Variants in MIPEP observed in about 807,000 individuals in gnomAD.
The protein encoded by MIPEP is mitochondrial intermediate peptidase.
A neutral mutation model predicts 90.3 loss-of-function variants in MIPEP; 79 were observed. That is an observed-to-expected ratio of 0.87 (90% CI 0.73 to 1.05). MIPEP has a LOEUF of 1.05. Ranked by LOEUF, MIPEP falls within the 50% of genes least tolerant of loss-of-function variation. The pLI is 0.00. For missense variants in MIPEP, 940 were observed against 905.6 expected (o/e 1.04, Z -0.49); for synonymous variants, 334 against 315.8 (o/e 1.06, Z -0.61).
intron 16 of MIPEP, among the ~76,000 whole-genome samples, chr13:23,787,216 A>T (rs1008699322): frequency 6.6e-6 from 1 of 152,226 alleles, no homozygotes; most frequent in African/African-American, 2.4e-5. Context: ...AAAATACCAT[A>T]GACTGGGTGG....
chr13:23,752,614 A>T (rs1952453205), intron 18 of MIPEP, among the ~76,000 whole-genome samples: 1 of 152,184 alleles, frequency 6.6e-6, no homozygotes. Context: ...ATTACTCAGA[A>T]ATGTGATTTA....
chr13:23,739,612 G>A (rs1952304007), intron 18 of MIPEP, among the ~76,000 whole-genome samples: 1 of 152,280 alleles, frequency 6.6e-6, no homozygotes, highest in African/African-American at 2.4e-5. Context: ...CTGCCAAAGT[G>A]GGCGATTTTA....
chr13:23,868,958 C>A (rs1870660419), intron 7 of MIPEP, among the ~76,000 whole-genome samples: 1 of 152,146 alleles, frequency 6.6e-6, no homozygotes, highest in Admixed American at 6.5e-5. Flanking sequence ...ACATACTGAT[C>A]TTTCATTCTC....
chr13:23,854,495 CT>C (rs1470330888), intron 10 of MIPEP, among the ~76,000 whole-genome samples: 1 of 152,134 alleles, frequency 6.6e-6, no homozygotes, highest in African/African-American at 2.4e-5. Flanking sequence ...CACAAAACAT[CT>C]GTATTTCATT....
intron 2 of MIPEP, among the ~76,000 whole-genome samples, chr13:23,885,763 G>C (rs1179881916): frequency 6.6e-6 from 1 of 150,574 alleles, no homozygotes; most frequent in East Asian, 2.0e-4. Flanking sequence ...TTCCTGAAAA[G>C]GTTTATTAAA....
At chr13:23,732,724 A>G (rs1246819126) in intron 18 of MIPEP, among the ~76,000 whole-genome samples, 1 of 152,216 alleles carries the variant, frequency 6.6e-6, no homozygotes, top group Non-Finnish European at 1.5e-5. Context: ...AAACCAATCT[A>G]TGGTGAAAAA....
intron 14 of MIPEP, among the ~76,000 whole-genome samples, chr13:23,830,283 G>A (rs1412725769): frequency 2.0e-5 from 3 of 152,098 alleles, no homozygotes; most frequent in Non-Finnish European, 2.9e-5. Context: ...TTAATCTTAG[G>A]CATAAAATAT....
chr13:23,740,767 G>A (rs1218163424), intron 18 of MIPEP, among the ~76,000 whole-genome samples: 1 of 152,230 alleles, frequency 6.6e-6, no homozygotes, highest in Non-Finnish European at 1.5e-5. Flanking sequence ...AGAAAACAGT[G>A]TCTCACTGCC....
At chr13:23,735,158 T>A (rs939228141) in intron 18 of MIPEP, among the ~76,000 whole-genome samples, 2 of 152,154 alleles carry the variant, frequency 1.3e-5, no homozygotes, top group African/African-American at 4.8e-5. Flanking sequence ...ATGACATGCC[T>A]AGTCAAACCA....
intron 10 of MIPEP, among the ~76,000 whole-genome samples, chr13:23,850,884 T>C (rs1869770665): frequency 6.6e-6 from 1 of 152,180 alleles, no homozygotes; most frequent in African/African-American, 2.4e-5. Flanking sequence ...ATGGGAGTTG[T>C]GGAAATGTCG....
At chr13:23,868,372 G>A (rs898316933) in intron 7 of MIPEP, among the ~76,000 whole-genome samples, 2 of 152,132 alleles carry the variant, frequency 1.3e-5, no homozygotes, top group East Asian at 1.9e-4. Context: ...AGTTGTTTAC[G>A]AAAGAGTAAG....
chr13:23,882,072 T>C (rs1316404266), intron 2 of MIPEP, among the ~76,000 whole-genome samples: 9 of 106,236 alleles, frequency 8.5e-5, no homozygotes, highest in Non-Finnish European at 1.9e-4. Context: ...TCTTTCTTTC[T>C]TTTTTTTTTT....
intron 10 of MIPEP, among the ~76,000 whole-genome samples, chr13:23,847,550 G>T (rs1175771796): frequency 6.6e-6 from 1 of 151,942 alleles, no homozygotes; most frequent in African/African-American, 2.4e-5. Flanking sequence ...CATGCTGGCA[G>T]GTGGCTGATA....
intron 9 of MIPEP, among the ~76,000 whole-genome samples, chr13:23,861,467 C>T (rs1232346207): frequency 2.6e-5 from 4 of 152,134 alleles, no homozygotes; most frequent in African/African-American, 9.7e-5. Context: ...CATAAATTAA[C>T]AGACTGACAT....
At chr13:23,847,179 T>C (rs1345315305) in intron 10 of MIPEP, among the ~76,000 whole-genome samples, 1 of 152,164 alleles carries the variant, frequency 6.6e-6, no homozygotes, top group African/African-American at 2.4e-5. Flanking sequence ...GGAAGCACAG[T>C]AATTGTATCA....
At chr13:23,784,617 CA>C in intron 16 of MIPEP, among the ~76,000 whole-genome samples, 1 of 152,144 alleles carries the variant, frequency 6.6e-6, no homozygotes. Flanking sequence ...GCAATGGCAA[CA>C]AAAGCCAAAA....
At chr13:23,886,625 A>T (rs1871494314) in intron 1 of MIPEP, 119 bp from the exon 2 acceptor site, 2 of 705,748 alleles carry the variant, frequency 2.8e-6, no homozygotes, top group Non-Finnish European at 4.3e-6. Context: ...GTATCATGTT[A>T]TACCTGTGAT....
intron 15 of MIPEP, 92 bp downstream of exon 15, chr13:23,809,758 T>A (rs1001786745): frequency 6.2e-6 from 5 of 808,400 alleles, no homozygotes; most frequent in East Asian, 5.2e-5. Context: ...ATAATTATTA[T>A]AATAAATAGG....
chr13:23,770,388 C>T (rs900049258), intron 16 of MIPEP, among the ~76,000 whole-genome samples: 1 of 152,102 alleles, frequency 6.6e-6, no homozygotes, highest in South Asian at 2.1e-4. Flanking sequence ...TTTTAAATTA[C>T]GCTTCTTCAA....
Sources: allele counts gnomAD v4.1 joint callset (sites outside exome capture counted in the v4.1 genomes callset), GRCh38; gene constraint gnomAD v4.1.1; transcripts MANE v1.5; gene names NCBI Gene and HGNC (gene_info 2026-07-23, HGNC 2026-07-21).